Variants in ZNF473 observed in about 807,000 individuals in gnomAD.
The protein encoded by ZNF473 is zinc finger protein 473.
In ZNF473, 4 loss-of-function variants were observed where a neutral mutation model predicts 11.1. The ratio of observed to expected loss-of-function variants is 0.36; its 90% confidence interval spans 0.18 to 0.82. The LOEUF is 0.82. Among genes scored for constraint, ZNF473 ranks in the 40% least tolerant of loss-of-function variants. The probability of loss-of-function intolerance (pLI) is 0.49; values close to 1 mark genes in which losing one functional copy is unlikely to be tolerated. For synonymous variants in ZNF473, 404 were observed against 390.4 expected, an observed-to-expected ratio of 1.03 and a Z score of -0.41; for missense variants, 854 against 1,084.0, an observed-to-expected ratio of 0.79 and a Z score of 2.98.
chr19:50,043,881 A>T (rs748526105), intron 4 of ZNF473, among the ~76,000 whole-genome samples: 4 of 152,130 alleles, frequency 2.6e-5, no homozygotes, highest in Non-Finnish European at 5.9e-5. Context: ...TAGAGGAGTT[A>T]GTCCAGGAAG....
At position 50,047,641 on chromosome 19, in the gene ZNF473, C is replaced by G. The variant is rs1243500076; in HGVS notation, c.*582C>G. 3 of 152,372 alleles carry G rather than the reference C, an allele frequency of 2.0e-5. No individual in the cohort carries two copies. Among genetic ancestry groups the G allele is most frequent in the Non-Finnish European group, 4.4e-5 (3 of 68,252 alleles). 9.4% of individuals were successfully genotyped at this position (152,372 alleles called of 1,614,324 possible). ...CTTAAGTGCCTGGCCTTTTTTGTCC[C>G]TTTATCTCTCCTGGTTTTTTTCTTA... On this transcript the variant is annotated 3_prime_UTR_variant, in exon 5 of 5. Coordinates refer to ENST00000270617, the MANE Select transcript of ZNF473 (RefSeq NM_015428.4).
intron 4 of ZNF473, among the ~76,000 whole-genome samples, chr19:50,044,406 C>T (rs917955875): frequency 5.3e-5 from 8 of 151,944 alleles, no homozygotes; most frequent in African/African-American, 1.7e-4. Flanking sequence ...TGAGTCCAGG[C>T]GATTTTTTAG....
intron 1 of ZNF473, among the ~76,000 whole-genome samples, chr19:50,027,662 G>A (rs138521203): frequency 4.6e-5 from 7 of 152,122 alleles, no homozygotes; most frequent in Admixed American, 4.6e-4. Flanking sequence ...AGGTGAGGCT[G>A]CGGGGCCTTG....
rs777218811 is a variant in ZNF473, at chr19:50,046,897, G to A, written c.2454G>A (p.Val818=). Residue 818 remains valine (V), a synonymous_variant, in exon 5 of 5, where the codon GTG becomes GTA. Transcript: ENST00000270617. The surrounding 1 kb of genome is among the most constrained non-coding windows in gnomAD (Gnocchi z 5.9). ...GGGAGAAGCCTTACTCCTGTAATGT[G>A]TGTGGCAAAGCTTTTGTCCTCAGTG... ...HTGEKPYSCN[V]CGKAFVLSAH... is the part of the protein sequence containing the mutation. 3.7e-6 allele frequency: 6 copies of A among 1,614,082 alleles called. No individual in the cohort carries two copies. The Admixed American group carries it at 5.0e-5, about 13-fold the overall frequency.
intron 4 of ZNF473, among the ~76,000 whole-genome samples, chr19:50,043,958 A>G (rs533458871): frequency 6.6e-6 from 1 of 152,330 alleles, no homozygotes; most frequent in East Asian, 1.9e-4. Context: ...GGGAACCGCA[A>G]GAGTTCTATG....
At position 50,037,118 on chromosome 19, in the gene ZNF473, G is replaced by A. The variant is rs1427355236; in HGVS notation, c.10-2043G>A. On this transcript the variant is annotated intron_variant, in intron 2 of 4. Coordinates refer to ENST00000270617, the MANE Select transcript of ZNF473 (RefSeq NM_015428.4). ...TTTGCAGTCAGATGCCTGGAGGGTT[G>A]GGATGGGCAGTGTAAGCCAGAGTGG... 2.0e-5 allele frequency among the ~76,000 whole-genome samples: 3 copies of A among 152,160 alleles called. No individual in the cohort carries two copies. In the South Asian group the frequency reaches 6.2e-4, roughly 32 times the overall value.
chr19:50,044,335 G>A (rs946757083), intron 4 of ZNF473, among the ~76,000 whole-genome samples: 1 of 152,216 alleles, frequency 6.6e-6, no homozygotes, highest in African/African-American at 2.4e-5. Flanking sequence ...GATAGAGGAT[G>A]CAGGATATGA....
Position 50,045,822 on chromosome 19 carries a change from A to G in ZNF473, c.1379A>G (p.Lys460Arg), listed in dbSNP as rs1979077327. The G allele has an allele frequency of 1.9e-6, 3 of 1,613,898 alleles. No homozygotes were observed. Among genetic ancestry groups the G allele is most frequent in the Non-Finnish European group, 2.5e-6 (3 of 1,179,960 alleles). ...RRIHTGYRPH[K>R]CQECVRSFSR... ...ATTCATACAGGCTACAGACCCCACA[A>G]ATGTCAGGAATGCGTCAGGAGTTTC... Residue 460 changes from lysine (K) to arginine (R), a missense_variant, in exon 5 of 5, where the codon AAA becomes AGA. Physicochemically the swap from Lys to Arg is conservative, Grantham distance 26. Coordinates refer to ENST00000270617, the MANE Select transcript of ZNF473 (RefSeq NM_015428.4).
In ZNF473 at chr19:50,030,235, C is replaced by T. The variant is rs190206552; in HGVS notation, c.-191-657C>T. ...CTGTTGTAGAGATAGTGGCCAGGTG[C>T]GGTGGCTCACAACTGTAATCCCAGC... On this transcript the variant is annotated intron_variant, in intron 1 of 4. Transcript: ENST00000270617. Among the ~76,000 whole-genome samples the T allele has an allele frequency of 7.2e-5, 11 of 152,262 alleles. No homozygotes were observed. The East Asian group carries it at 1.9e-3, about 27-fold the overall frequency.
chr19:50,044,965 T>C lies in ZNF473; in HGVS notation c.522T>C (p.Ser174=), dbSNP rs1467048970. ...AAGATTCCATGGTGCATAATGTTTC[T>C]GAAAAGACCCTCACACCAGCTAAGT... ...TGEDSMVHNV[S]EKTLTPAKSK... Residue 174 remains serine, a synonymous_variant, in exon 5 of 5, where the codon TCT becomes TCC. Coordinates refer to ENST00000270617, the MANE Select transcript of ZNF473 (RefSeq NM_015428.4). 6.2e-7 allele frequency: 1 copy of C among 1,614,234 alleles called. No homozygotes were observed. The highest frequency in any genetic ancestry group is 1.1e-5 in the South Asian group (1 of 91,088).
rs533556280 is a variant in ZNF473, at chr19:50,044,613, C to A, written c.227-57C>A. ...ACTCAAGATCTATCACCCCTACTTG[C>A]TCTTGTCTGTGTTCTCACCCTTAGT... On this transcript the variant is annotated intron_variant, in intron 4 of 4. Coordinates refer to ENST00000270617, the MANE Select transcript of ZNF473 (RefSeq NM_015428.4). 132 of 1,415,294 alleles carry A rather than the reference C, an allele frequency of 9.3e-5. 1 individual carries two copies. Among genetic ancestry groups the A allele is most frequent in the Non-Finnish European group, 1.2e-4 (122 of 1,031,646 alleles). 87.7% of individuals were successfully genotyped at this position (1,415,294 alleles called of 1,614,324 possible). A position where few individuals can be genotyped will look rare whatever the true frequency, so the allele number is the denominator to read the frequency against.
At chr19:50,028,255 G>A (rs2077297958) in intron 1 of ZNF473, among the ~76,000 whole-genome samples, 1 of 146,772 alleles carries the variant, frequency 6.8e-6, no homozygotes, top group African/African-American at 2.5e-5. Context: ...CTGAGATCGC[G>A]CCACTGCACT....
Position 50,044,927 on chromosome 19 carries a change from G to A in ZNF473, c.484G>A (p.Val162Ile), listed in dbSNP as rs1978982892. The A allele has an allele frequency of 8.1e-6, 13 of 1,614,088 alleles. No homozygotes were observed. Among genetic ancestry groups the A allele is most frequent in the African/African-American group, 1.3e-5 (1 of 74,926 alleles). The change falls in exon 5 of 5, where the codon GTT (valine) becomes ATT (isoleucine). Residue 162 changes from valine to isoleucine, a missense_variant. Coordinates refer to ENST00000270617, the MANE Select transcript of ZNF473 (RefSeq NM_015428.4). ...LKRGLSPVST[V>I]STGEDSMVHN... Reference sequence around the variant, plus strand: ...GAGAGGACTCAGTCCTGTGTCCACCGTTTCCACGGGAGAAGATTCCATGGT... The same window carrying A: ...GAGAGGACTCAGTCCTGTGTCCACCATTTCCACGGGAGAAGATTCCATGGT...
intron 2 of ZNF473, among the ~76,000 whole-genome samples, chr19:50,038,716 C>G (rs115899985): frequency 7.7e-4 from 118 of 152,264 alleles, no homozygotes; most frequent in African/African-American, 2.8e-3. Context: ...TGAATGTGGT[C>G]TAGGTGTTCA....
chr19:50,031,162 G>A lies in ZNF473; in HGVS notation c.9+71G>A, dbSNP rs372253733. The A allele has an allele frequency of 1.1e-3, 1,662 of 1,544,744 alleles. 3 individuals carry two copies. Among genetic ancestry groups the A allele is most frequent in the Admixed American group, 2.1e-3 (110 of 51,202 alleles). On this transcript the variant is annotated intron_variant, in intron 2 of 4. Transcript: ENST00000270617. ...GAAAAATTGGCCTTCCTTTGTGGCCGAGGCGAGTTGAAGGTCGCTCTGTGT... is the reference window on the plus strand; with the variant it reads ...GAAAAATTGGCCTTCCTTTGTGGCCAAGGCGAGTTGAAGGTCGCTCTGTGT...
chr19:50,047,411 A>C lies in ZNF473; in HGVS notation c.*352A>C. On this transcript the variant is annotated 3_prime_UTR_variant, in exon 5 of 5. Coordinates refer to ENST00000270617, the MANE Select transcript of ZNF473 (RefSeq NM_015428.4). ...GGGCTTTTCTGAGGATTAAATAAAT[A>C]AATGTGAAGCACTTAGAACTGATGG... 2 of 241,666 alleles carry C rather than the reference A, an allele frequency of 8.3e-6. No homozygotes were observed. Among genetic ancestry groups the C allele is most frequent in the Non-Finnish European group, 1.6e-5 (2 of 121,842 alleles). The allele number at this position is 241,666 out of a possible 1,614,324, so 15.0% of individuals were successfully genotyped here.
Position 50,045,186 on chromosome 19 carries a change from G to A in ZNF473, c.743G>A (p.Arg248Gln), listed in dbSNP as rs61730172. ...CAAGAGTGTGAGCAAGGTTTTGACC[G>A]GAATGCTTCCCTTTCTGTGTATCCG... ...VHQECEQGFD[R>Q]NASLSVYPKT... is the part of the protein sequence containing the mutation. The change falls in exon 5 of 5, where the codon CGG becomes CAG. Residue 248 changes from arginine to glutamine, a missense_variant. Arg to Gln is a conservative substitution (Grantham distance 43). Coordinates refer to ENST00000270617, the MANE Select transcript of ZNF473 (RefSeq NM_015428.4). 15,946 of 1,614,066 alleles carry A rather than the reference G, an allele frequency of 9.9e-3. 1,369 individuals carry two copies. The African/African-American group carries it at 0.19, about 19-fold the overall frequency.
intron 2 of ZNF473, among the ~76,000 whole-genome samples, chr19:50,036,803 C>T (rs1471654898): frequency 6.6e-6 from 1 of 152,172 alleles, no homozygotes; most frequent in Non-Finnish European, 1.5e-5. Context: ...GTAGAGTCTC[C>T]ACCAGCAGGA....
At chr19:50,034,433 T>C (rs1480985706) in intron 2 of ZNF473, among the ~76,000 whole-genome samples, 1 of 152,212 alleles carries the variant, frequency 6.6e-6, no homozygotes, top group Non-Finnish European at 1.5e-5. Flanking sequence ...AAATCACAGG[T>C]GCAGAAATGC....
Sources: allele counts gnomAD v4.1 joint callset (sites outside exome capture counted in the v4.1 genomes callset), GRCh38; gene constraint gnomAD v4.1.1; non-coding constraint Gnocchi (gnomAD v3.1); transcripts MANE v1.5; gene names NCBI Gene and HGNC (gene_info 2026-07-23, HGNC 2026-07-21).